The following NHLRC2 variants were observed in gnomAD, a reference collection of about 807,000 sequenced individuals.
NHLRC2 encodes the protein NHL repeat-containing protein 2.
A neutral mutation model predicts 68.1 loss-of-function variants in NHLRC2; 33 were observed. That is an observed-to-expected ratio of 0.48 (90% confidence interval 0.37 to 0.65). The LOEUF is 0.65. Among genes scored for constraint, NHLRC2 ranks in the 30% least tolerant of loss-of-function variants. NHLRC2 has a pLI of 0.00. For synonymous variants in NHLRC2, 311 were observed against 309.6 expected, an observed-to-expected ratio of 1.00 and a Z score of -0.05; for missense variants, 761 against 853.8, an observed-to-expected ratio of 0.89 and a Z score of 1.35.
chr10:113,899,604 G>T (rs1176587724), intron 6 of NHLRC2, among the ~76,000 whole-genome samples: 6 of 152,188 alleles, frequency 3.9e-5, no homozygotes, highest in Non-Finnish European at 1.5e-5. Flanking sequence ...AAGTTAGTGT[G>T]TGCAAAAGGA....
intron 8 of NHLRC2, 143 bp downstream of exon 8, chr10:113,902,736 T>A: frequency 1.4e-6 from 1 of 708,950 alleles, no homozygotes; most frequent in Non-Finnish European, 2.4e-6. Context: ...CAGCCTGTTC[T>A]GCTCTTTTCT....
At chr10:113,888,386 A>G (rs1180465340) in intron 5 of NHLRC2, among the ~76,000 whole-genome samples, 1 of 152,220 alleles carries the variant, frequency 6.6e-6, no homozygotes, top group Non-Finnish European at 1.5e-5. Context: ...TTTCTACAGT[A>G]TACACATAGA....
At chr10:113,907,432 G>A (rs1846286733) in intron 10 of NHLRC2, among the ~76,000 whole-genome samples, 1 of 152,186 alleles carries the variant, frequency 6.6e-6, no homozygotes, top group Non-Finnish European at 1.5e-5. Context: ...TGGTGGGAAA[G>A]CATTTCATAT....
intron 2 of NHLRC2, among the ~76,000 whole-genome samples, chr10:113,875,726 A>T (rs994121085): frequency 2.0e-5 from 3 of 152,126 alleles, no homozygotes; most frequent in Non-Finnish European, 2.9e-5. Context: ...CGGAATTGAT[A>T]GTTATAATAG....
At chr10:113,896,611 A>G (rs927900808) in intron 5 of NHLRC2, among the ~76,000 whole-genome samples, 1 of 152,114 alleles carries the variant, frequency 6.6e-6, no homozygotes, top group African/African-American at 2.4e-5. Context: ...GCACATGTAT[A>G]CAAATGTAAC....
Position 113,909,559 on chromosome 10 carries a change from C to T in NHLRC2, c.*1023C>T, listed in dbSNP as rs1846305953. ...AAAGTGAAATTTTCAGTGTGAGGTG[C>T]TTTCATGCTATTAATAGATACAGTA... On this transcript the variant is annotated 3_prime_UTR_variant, in exon 11 of 11. Coordinates refer to ENST00000369301, the MANE Select transcript of NHLRC2 (RefSeq NM_198514.4). 1 of 151,930 alleles carries T rather than the reference C, an allele frequency of 6.6e-6. No homozygotes were observed. The highest frequency in any genetic ancestry group is 6.6e-5 in the Admixed American group (1 of 15,254). 9.4% of individuals were successfully genotyped at this position (151,930 alleles called of 1,614,324 possible).
chr10:113,897,462 G>A (rs930836549), intron 5 of NHLRC2, among the ~76,000 whole-genome samples: 1 of 152,112 alleles, frequency 6.6e-6, no homozygotes, highest in Non-Finnish European at 1.5e-5. Flanking sequence ...TAAAATTAAG[G>A]TCCAGATTCA....
At chr10:113,878,308 T>A (rs1406342833) in intron 3 of NHLRC2, among the ~76,000 whole-genome samples, 2 of 152,156 alleles carry the variant, frequency 1.3e-5, no homozygotes, top group African/African-American at 4.8e-5. Flanking sequence ...ATCAACACAA[T>A]AATAGTATTA....
chr10:113,905,822 T>G (rs1846270731), intron 10 of NHLRC2, among the ~76,000 whole-genome samples: 1 of 152,144 alleles, frequency 6.6e-6, no homozygotes, highest in Non-Finnish European at 1.5e-5. Flanking sequence ...AATTATAATA[T>G]CAACTTAGTG....
At chr10:113,858,495 T>A in intron 1 of NHLRC2, 33 bp from the exon 2 acceptor site, 1 of 1,478,538 alleles carries the variant, frequency 6.8e-7, no homozygotes, top group Non-Finnish European at 9.3e-7. Context: ...TCTTTCTCTT[T>A]AATCATTGTA....
intron 5 of NHLRC2, among the ~76,000 whole-genome samples, chr10:113,887,781 A>G (rs976570202): frequency 2.0e-5 from 3 of 152,222 alleles, no homozygotes; most frequent in African/African-American, 4.8e-5. Context: ...CTAAAAAAAC[A>G]AAAAGAAAAT....
intron 5 of NHLRC2, among the ~76,000 whole-genome samples, chr10:113,894,512 A>T (rs368531734): frequency 6.6e-6 from 1 of 152,156 alleles, no homozygotes; most frequent in Non-Finnish European, 1.5e-5. Context: ...GTGCATAGTT[A>T]TGTCATCTGC....
chr10:113,902,429 T>A, intron 7 of NHLRC2, 42 bp from the exon 8 acceptor site: 1 of 1,330,406 alleles, frequency 7.5e-7, no homozygotes, highest in South Asian at 1.4e-5. Context: ...ACTGTAAAAA[T>A]TATAATAACT....
chr10:113,866,688 C>T (rs1845870545), intron 2 of NHLRC2, among the ~76,000 whole-genome samples: 1 of 151,798 alleles, frequency 6.6e-6, no homozygotes, highest in Non-Finnish European at 1.5e-5. Context: ...TTAAATAAGT[C>T]TATATATAAT....
Position 113,880,432 on chromosome 10 carries a change from T to C in NHLRC2, c.909+737T>C, listed in dbSNP as rs562464433. 3.9e-5 allele frequency among the ~76,000 whole-genome samples: 6 copies of C among 152,084 alleles called. No individual in the cohort carries two copies. The East Asian group carries it at 1.2e-3, about 29-fold the overall frequency. ...TTCCATTGTAGATGTACTCGGTTAT[T>C]TCAGACATTTCCTCCTGATGGTTGT... is the stretch of plus-strand genomic sequence containing the variant. On this transcript the variant is annotated intron_variant, in intron 4 of 10. Transcript: ENST00000369301.
rs759662005 is a variant in NHLRC2 at position 113,908,543 on chromosome 10, A to G, written c.*7A>G. 14 of 1,613,502 alleles carry G rather than the reference A, an allele frequency of 8.7e-6. No homozygotes were observed. Among genetic ancestry groups the G allele is most frequent in the African/African-American group, 1.3e-5 (1 of 74,942 alleles). On this transcript the variant is annotated 3_prime_UTR_variant, in exon 11 of 11. Transcript: ENST00000369301. ...GCTCAGGTATGTATTTTAGCCAGCC[A>G]GCTAGCTAGCAACCCATTGCCACCA... is the stretch of plus-strand genomic sequence containing the variant.
At chr10:113,890,834 A>G (rs1846123914) in intron 5 of NHLRC2, among the ~76,000 whole-genome samples, 1 of 152,210 alleles carries the variant, frequency 6.6e-6, no homozygotes, top group African/African-American at 2.4e-5. Flanking sequence ...AAGGAGGTTT[A>G]ATTAACTCAC....
chr10:113,898,286 C>A, intron 6 of NHLRC2, 77 bp downstream of exon 6: 2 of 888,424 alleles, frequency 2.3e-6, no homozygotes, highest in South Asian at 1.4e-5. Flanking sequence ...AATCACCATC[C>A]TCACTGTACC....
At chr10:113,906,581 C>T (rs1846277053) in intron 10 of NHLRC2, among the ~76,000 whole-genome samples, 1 of 150,248 alleles carries the variant, frequency 6.7e-6, no homozygotes, top group Non-Finnish European at 1.5e-5. Flanking sequence ...TGTGTTGTAA[C>T]TTCACAAATT....
Sources: allele counts gnomAD v4.1 joint callset (sites outside exome capture counted in the v4.1 genomes callset), GRCh38; gene constraint gnomAD v4.1.1; transcripts MANE v1.5; gene names NCBI Gene and HGNC (gene_info 2026-07-23, HGNC 2026-07-21).